The following KCTD20 variants were observed in gnomAD, a reference collection of about 807,000 sequenced individuals.
The protein encoded by KCTD20 is BTB/POZ domain-containing protein KCTD20.
KCTD20 carries 30 observed loss-of-function variants against 39.6 expected under a neutral mutation model. That is an observed-to-expected ratio of 0.76 (90% CI 0.57 to 1.03). KCTD20 has a LOEUF of 1.03. KCTD20 is among the 50% of genes least tolerant of loss of function. KCTD20 has a pLI of 0.00. For missense variants in KCTD20, 422 were observed against 522.0 expected (o/e 0.81, Z 1.87); for synonymous variants, 162 against 180.6 (o/e 0.90, Z 0.83).
rs1205649944 is a variant in KCTD20 at position 36,489,029 on chromosome 6, G to A, written c.*1854G>A. ...TGAAACTAATTGGCTCATATTTGAG[G>A]TTAGGTGTGGCCTTGACCTTACCAG... On this transcript the variant is annotated 3_prime_UTR_variant, in exon 8 of 8. Coordinates refer to ENST00000373731, the MANE Select transcript of KCTD20 (RefSeq NM_173562.5). The A allele has an allele frequency of 2.6e-5, 4 of 152,652 alleles. No homozygotes were observed. The highest frequency in any genetic ancestry group is 5.9e-5 in the Non-Finnish European group (4 of 68,042). 9.5% of individuals were successfully genotyped at this position (152,652 alleles called of 1,614,324 possible).
In KCTD20 at chr6:36,460,493, C is replaced by T. The variant is rs537060487; in HGVS notation, c.-46-9559C>T. Among the ~76,000 whole-genome samples the T allele has an allele frequency of 5.3e-5, 8 of 152,170 alleles. No homozygotes were observed. The South Asian group carries it at 8.3e-4, about 16-fold the overall frequency. Reference sequence around the variant, plus strand: ...TAATTTTTTGTATTTTTAATAGAGACGGGGTTTCACCATGTTGGCCAGGCT... The same window carrying T: ...TAATTTTTTGTATTTTTAATAGAGATGGGGTTTCACCATGTTGGCCAGGCT... On this transcript the variant is annotated intron_variant, in intron 1 of 7. Transcript: ENST00000373731.
At chr6:36,481,431 C>A (rs1776245576) in intron 5 of KCTD20, 131 bp from the exon 6 acceptor site, 1 of 682,830 alleles carries the variant, frequency 1.5e-6, no homozygotes. Flanking sequence ...AGGAAACAAT[C>A]TCTTTGCCTT....
At chr6:36,444,838 T>C (rs1056588067) in intron 1 of KCTD20, among the ~76,000 whole-genome samples, 2 of 152,240 alleles carry the variant, frequency 1.3e-5, no homozygotes, top group African/African-American at 2.4e-5. Context: ...AGGTTCTCTT[T>C]ATTCATCCAC....
intron 5 of KCTD20, among the ~76,000 whole-genome samples, chr6:36,481,232 C>A (rs911453845): frequency 1.3e-5 from 2 of 152,184 alleles, no homozygotes; most frequent in Admixed American, 1.3e-4. Flanking sequence ...TCCAAACCAT[C>A]TTCAGAAGAG....
chr6:36,466,855 T>C (rs1775770460), intron 1 of KCTD20, among the ~76,000 whole-genome samples: 1 of 152,150 alleles, frequency 6.6e-6, no homozygotes, highest in South Asian at 2.1e-4. Flanking sequence ...TTAAACTGCC[T>C]GCTCTGGTTT....
At chr6:36,459,369 C>G (rs559503434) in intron 1 of KCTD20, among the ~76,000 whole-genome samples, 2 of 152,142 alleles carry the variant, frequency 1.3e-5, no homozygotes, top group Non-Finnish European at 2.9e-5. Context: ...CCCAAGGAAG[C>G]CTTACACTAT....
chr6:36,481,422 G>A, intron 5 of KCTD20, 140 bp from the exon 6 acceptor site: 1 of 659,304 alleles, frequency 1.5e-6, no homozygotes, highest in Middle Eastern at 2.7e-4. Context: ...CCCTGGAGCA[G>A]GAAACAATCT....
chr6:36,450,487 C>CAAA (rs56825740), intron 1 of KCTD20, among the ~76,000 whole-genome samples: 270 of 122,432 alleles, frequency 2.2e-3, no homozygotes, highest in African/African-American at 7.7e-3. Flanking sequence ...GACTCTGTCT[C>CAAA]AAAAAAAAAA....
intron 1 of KCTD20, among the ~76,000 whole-genome samples, chr6:36,464,714 T>C (rs61017127): frequency 0.018 from 2,765 of 152,196 alleles, 86 homozygotes; most frequent in African/African-American, 0.062. Flanking sequence ...CAGAAAACAT[T>C]AGCAGAGTTC....
rs143761903 is a variant in KCTD20 at position 36,462,126 on chromosome 6, A to G, written c.-46-7926A>G. ...TCTTTTGGGTATCTGCCCCTTTTCC[A>G]TCCTTCACCATTTTTCTGTTGTGTT... On this transcript the variant is annotated intron_variant, in intron 1 of 7. Transcript: ENST00000373731. Among the ~76,000 whole-genome samples the G allele has an allele frequency of 1.6e-3, 239 of 152,086 alleles. 2 individuals are homozygous for G. Among genetic ancestry groups the G allele is most frequent in the African/African-American group, 5.7e-3 (235 of 41,502 alleles).
Position 36,479,241 on chromosome 6 carries a change from T to G in KCTD20, c.537+18T>G. 6.4e-7 allele frequency: 1 copy of G among 1,558,644 alleles called. No homozygotes were observed. The highest frequency in any genetic ancestry group is 8.8e-7 in the Non-Finnish European group (1 of 1,134,004). ...CAGTGCTGGTGTGTGGTAGCCTTTTTTGTTACATTCTCTTCCTCAGGGGCA... is the reference window on the plus strand; with the variant it reads ...CAGTGCTGGTGTGTGGTAGCCTTTTGTGTTACATTCTCTTCCTCAGGGGCA... On this transcript the variant is annotated intron_variant, in intron 4 of 7. Coordinates refer to ENST00000373731, the MANE Select transcript of KCTD20 (RefSeq NM_173562.5).
intron 2 of KCTD20, among the ~76,000 whole-genome samples, chr6:36,470,462 A>G (rs762378933): frequency 2.0e-5 from 3 of 152,258 alleles, no homozygotes; most frequent in African/African-American, 4.8e-5. Flanking sequence ...TGATAATGGT[A>G]TTAAAACAAA....
At chr6:36,473,456 T>A (rs1368187159) in intron 2 of KCTD20, among the ~76,000 whole-genome samples, 5 of 152,058 alleles carry the variant, frequency 3.3e-5, no homozygotes, top group Non-Finnish European at 7.4e-5. Context: ...TCAATATAGA[T>A]GATGGACCAG....
At chr6:36,477,465 G>A (rs530343874) in intron 3 of KCTD20, among the ~76,000 whole-genome samples, 32 of 150,772 alleles carry the variant, frequency 2.1e-4, no homozygotes, top group Non-Finnish European at 4.1e-4. Flanking sequence ...CATGTGAAAT[G>A]GAATCATTTT....
chr6:36,470,227 CT>C lies in KCTD20; in HGVS notation c.132del (p.Thr45LeufsTer4). On this transcript the variant is annotated frameshift_variant, in exon 2 of 8. Coordinates refer to ENST00000373731, the MANE Select transcript of KCTD20 (RefSeq NM_173562.5). LOFTEE classifies it high-confidence loss of function. ...NSLASSGPHN[L>X]TYPLGPRNED... ...CCTGGCTTCATCTGGTCCTCATAAT[CT>C]TACTTATCCTCTAGGTCCCAGGAAT... is the stretch of plus-strand genomic sequence containing the variant. 6.2e-7 allele frequency: 1 copy of C among 1,613,260 alleles called. No individual in the cohort carries two copies. Among genetic ancestry groups the C allele is most frequent in the Non-Finnish European group, 8.5e-7 (1 of 1,179,508 alleles).
chr6:36,479,590 G>A lies in KCTD20; in HGVS notation c.538-1G>A. On this transcript the variant is annotated splice_acceptor_variant, in intron 4 of 7. Transcript: ENST00000373731. LOFTEE classifies it high-confidence loss of function. ...ATTTTTTCTTCCTAATCTATTTACA[G>A]GATTATTACAAAACCGGTATCATCA... is the stretch of plus-strand genomic sequence containing the variant. The A allele has an allele frequency of 6.2e-7, 1 of 1,604,092 alleles. No individual in the cohort carries two copies. Among genetic ancestry groups the A allele is most frequent in the South Asian group, 1.1e-5 (1 of 89,784 alleles).
At chr6:36,483,180 C>G (rs899959360) in intron 6 of KCTD20, among the ~76,000 whole-genome samples, 1 of 150,374 alleles carries the variant, frequency 6.7e-6, no homozygotes, top group East Asian at 1.9e-4. Flanking sequence ...AATTATCCTC[C>G]ATAAAATTTG....
Position 36,465,807 on chromosome 6 carries a change from G to A in KCTD20, c.-46-4245G>A, listed in dbSNP as rs557709390. On this transcript the variant is annotated intron_variant, in intron 1 of 7. Transcript: ENST00000373731. ...TATAGCTCCTCAGAGTGTATAAAAT[G>A]CTTTCACAGAATGTATGGAAGTGAA... 4.6e-5 allele frequency: 7 copies of A among 152,232 alleles called. No individual in the cohort carries two copies. The South Asian group carries it at 1.5e-3, about 32-fold the overall frequency. The allele number at this position is 152,232 out of a possible 1,614,324, so 9.4% of individuals were successfully genotyped here. A position where few individuals can be genotyped will look rare whatever the true frequency, so the allele number is the denominator to read the frequency against.
At chr6:36,475,512 C>G (rs948635639) in intron 3 of KCTD20, among the ~76,000 whole-genome samples, 1 of 151,742 alleles carries the variant, frequency 6.6e-6, no homozygotes, top group African/African-American at 2.4e-5. Flanking sequence ...GGAGGGCAAG[C>G]TGGTAAAAGC....
Sources: allele counts gnomAD v4.1 joint callset (sites outside exome capture counted in the v4.1 genomes callset), GRCh38; gene constraint gnomAD v4.1.1; transcripts MANE v1.5; gene names NCBI Gene and HGNC (gene_info 2026-07-23, HGNC 2026-07-21).